Variants in PRLR observed in about 807,000 individuals in gnomAD.
PRLR encodes prolactin receptor, also known as hPRL receptor.
Under a neutral mutation model 40.2 loss-of-function variants are expected in PRLR, and 13 were observed. The ratio of observed to expected loss-of-function variants is 0.32; its 90% confidence interval spans 0.21 to 0.51. PRLR has a LOEUF of 0.51. Among genes scored for constraint, PRLR ranks in the 20% least tolerant of loss-of-function variants. PRLR has a pLI of 0.97. For synonymous variants in PRLR, 269 were observed against 278.7 expected (o/e 0.97, Z 0.35); for missense variants, 656 against 747.3 (o/e 0.88, Z 1.42).
intron 1 of PRLR, among the ~76,000 whole-genome samples, chr5:35,203,107 G>C (rs1775922560): frequency 6.6e-6 from 1 of 152,130 alleles, no homozygotes; most frequent in African/African-American, 2.4e-5. Context: ...GTCTGAGCTG[G>C]CCATTTCCTC....
At chr5:35,153,983 A>G (rs901258250) in intron 1 of PRLR, among the ~76,000 whole-genome samples, 6 of 152,142 alleles carry the variant, frequency 3.9e-5, no homozygotes, top group African/African-American at 1.4e-4. Flanking sequence ...TTCAAAACCA[A>G]TCGCACAAAA....
intron 1 of PRLR, among the ~76,000 whole-genome samples, chr5:35,131,884 T>C (rs191780420): frequency 1.3e-5 from 2 of 152,260 alleles, no homozygotes; most frequent in East Asian, 3.9e-4. Flanking sequence ...TATTCTTTCT[T>C]TAAAGGAGAG....
intron 1 of PRLR, among the ~76,000 whole-genome samples, chr5:35,196,544 G>C (rs1012208880): frequency 5.9e-5 from 9 of 152,168 alleles, no homozygotes; most frequent in African/African-American, 2.2e-4. Context: ...GCAGGGGACA[G>C]GTTTGGACCT....
At chr5:35,213,952 ACT>A (rs1317542615) in intron 1 of PRLR, among the ~76,000 whole-genome samples, 1 of 151,854 alleles carries the variant, frequency 6.6e-6, no homozygotes, top group African/African-American at 2.4e-5. Context: ...GTGTCTGCAG[ACT>A]CTCTTCTCCA....
intron 1 of PRLR, among the ~76,000 whole-genome samples, chr5:35,189,002 T>C (rs979961982): frequency 3.0e-4 from 45 of 152,172 alleles, no homozygotes; most frequent in African/African-American, 1.0e-3. Flanking sequence ...ATTGCAGATA[T>C]AATTAGTTGA....
intron 2 of PRLR, among the ~76,000 whole-genome samples, chr5:35,102,169 G>A (rs1051019635): frequency 1.3e-5 from 2 of 151,932 alleles, no homozygotes; most frequent in Admixed American, 6.6e-5. Context: ...AAAATGAGGC[G>A]CTTCTCTGAT....
chr5:35,196,688 G>T (rs1775746017), intron 1 of PRLR, among the ~76,000 whole-genome samples: 1 of 152,246 alleles, frequency 6.6e-6, no homozygotes, highest in Non-Finnish European at 1.5e-5. Flanking sequence ...ACACTCCAGT[G>T]TGTTTGCAAA....
At position 35,060,267 on chromosome 5, in the gene PRLR, C is replaced by T. The variant is rs945520468; in HGVS notation, c.*4822G>A. ...TTGTGGATCCTATGGTTGCTACTAA[C>T]TCTTAGGAAAATAGTAGGCTCTGGA... On this transcript the variant is annotated 3_prime_UTR_variant, in exon 10 of 10. Transcript: ENST00000618457. 2.0e-5 allele frequency: 3 copies of T among 152,114 alleles called. No homozygotes were observed. Among genetic ancestry groups the T allele is most frequent in the Admixed American group, 6.5e-5 (1 of 15,274 alleles). 9.4% of individuals were successfully genotyped at this position (152,114 alleles called of 1,614,324 possible). A position where few individuals can be genotyped will look rare whatever the true frequency, so the allele number is the denominator to read the frequency against.
chr5:35,077,485 A>G (rs1021295426), intron 5 of PRLR, among the ~76,000 whole-genome samples: 1 of 152,210 alleles, frequency 6.6e-6, no homozygotes, highest in Non-Finnish European at 1.5e-5. Flanking sequence ...AAAGGGATCA[A>G]TTCAACAGGA....
intron 1 of PRLR, among the ~76,000 whole-genome samples, chr5:35,151,476 T>A (rs1371420920): frequency 2.6e-5 from 4 of 152,100 alleles, no homozygotes; most frequent in Non-Finnish European, 4.4e-5. Context: ...TGCATACAAC[T>A]TCTGTGTGAA....
intron 1 of PRLR, among the ~76,000 whole-genome samples, chr5:35,206,178 T>TAGTA: frequency 6.6e-6 from 1 of 152,218 alleles, no homozygotes; most frequent in South Asian, 2.1e-4. Flanking sequence ...AATGAAATAA[T>TAGTA]AGTACTAATT....
intron 5 of PRLR, among the ~76,000 whole-genome samples, chr5:35,083,980 G>A (rs560994361): frequency 6.8e-4 from 103 of 151,226 alleles, no homozygotes; most frequent in Middle Eastern, 3.4e-3. Context: ...TATATATATC[G>A]CATATATGCA....
intron 1 of PRLR, among the ~76,000 whole-genome samples, chr5:35,135,705 G>A (rs1450192573): frequency 1.3e-5 from 2 of 152,128 alleles, no homozygotes; most frequent in African/African-American, 4.8e-5. Context: ...CTAACCCTAG[G>A]GTTTTCTGAC....
chr5:35,072,857 T>C, intron 5 of PRLR, 113 bp from the exon 6 acceptor site: 1 of 1,100,938 alleles, frequency 9.1e-7, no homozygotes, highest in Non-Finnish European at 1.2e-6. Context: ...CTTCCCACTG[T>C]ACTATAAGCC....
chr5:35,066,169 C>T, intron 9 of PRLR, 67 bp from the exon 10 acceptor site: 1 of 1,434,930 alleles, frequency 7.0e-7, no homozygotes, highest in Non-Finnish European at 9.5e-7. Context: ...AGCATCCCTG[C>T]TAAGTGGTGC....
At chr5:35,112,274 TA>T (rs1238270548) in intron 2 of PRLR, among the ~76,000 whole-genome samples, 1 of 152,204 alleles carries the variant, frequency 6.6e-6, no homozygotes, top group Non-Finnish European at 1.5e-5. Flanking sequence ...TATTTTTTGT[TA>T]AACTTCTGAT....
intron 1 of PRLR, among the ~76,000 whole-genome samples, chr5:35,131,224 T>G (rs1191697417): frequency 3.3e-5 from 5 of 152,216 alleles, no homozygotes; most frequent in Non-Finnish European, 5.9e-5. Flanking sequence ...TGAAAAAAGT[T>G]GGATGGTATG....
At chr5:35,165,567 T>C (rs1469875966) in intron 1 of PRLR, among the ~76,000 whole-genome samples, 1 of 152,210 alleles carries the variant, frequency 6.6e-6, no homozygotes, top group East Asian at 1.9e-4. Flanking sequence ...CCAATTTATT[T>C]CTATGGACTT....
At chr5:35,079,320 G>T (rs1473724687) in intron 5 of PRLR, among the ~76,000 whole-genome samples, 1 of 152,178 alleles carries the variant, frequency 6.6e-6, no homozygotes, top group Non-Finnish European at 1.5e-5. Context: ...CATCATCTCA[G>T]CCCAAAATCT....
Sources: allele counts gnomAD v4.1 joint callset (sites outside exome capture counted in the v4.1 genomes callset), GRCh38; gene constraint gnomAD v4.1.1; transcripts MANE v1.5; gene names NCBI Gene and HGNC (gene_info 2026-07-23, HGNC 2026-07-21).